The following EPHB3 variants were observed in gnomAD, a reference collection of about 807,000 sequenced individuals.
EPHB3 encodes the protein EPH receptor B3.
Under a neutral mutation model 100.2 loss-of-function variants are expected in EPHB3, and 33 were observed. That is an observed-to-expected ratio of 0.33 (90% CI 0.25 to 0.44). The LOEUF (loss-of-function observed/expected upper bound fraction) is 0.44. Ranked by LOEUF, EPHB3 falls within the 20% of genes least tolerant of loss-of-function variation. The probability of loss-of-function intolerance (pLI) is 1.00; values close to 1 mark genes in which losing one functional copy is unlikely to be tolerated. For missense variants in EPHB3, 1,045 were observed against 1,378.3 expected (o/e 0.76, Z 3.83); for synonymous variants, 526 against 554.7 (o/e 0.95, Z 0.73).
chr3:184,579,038 T>G lies in EPHB3; in HGVS notation c.1802-439T>G, dbSNP rs1260078644. Among the ~76,000 whole-genome samples, 1 of 150,740 alleles carries G rather than the reference T, an allele frequency of 6.6e-6. No homozygotes were observed. Among genetic ancestry groups the G allele is most frequent in the Non-Finnish European group, 1.5e-5 (1 of 67,648 alleles). Reference sequence around the variant, plus strand: ...GGGTCCTGAAAGGCAGGCAGAGGAGTCTGGACTTGACTCCACCATAGGTAA... The same window carrying G: ...GGGTCCTGAAAGGCAGGCAGAGGAGGCTGGACTTGACTCCACCATAGGTAA... On this transcript the variant is annotated intron_variant, in intron 9 of 15. Coordinates refer to ENST00000330394, the MANE Select transcript of EPHB3 (RefSeq NM_004443.4). This position sits in a 1 kb window ranked among gnomAD's most constrained non-coding sequence, Gnocchi z 5.2.
At position 184,569,093 on chromosome 3, in the gene EPHB3, A is replaced by G. The variant is rs920441571; in HGVS notation, c.119-2225A>G. ...TGAATATTTGGGTTTAAACAGTTCC[A>G]GATGGGTTTGGCACAGGCTGAGCAG... On this transcript the variant is annotated intron_variant, in intron 1 of 15. Coordinates refer to ENST00000330394, the MANE Select transcript of EPHB3 (RefSeq NM_004443.4). The surrounding 1 kb of genome is among the most constrained non-coding windows in gnomAD (Gnocchi z 5.4). Among the ~76,000 whole-genome samples the G allele has an allele frequency of 5.9e-5, 9 of 152,126 alleles. No homozygotes were observed. The highest frequency in any genetic ancestry group is 1.2e-4 in the Non-Finnish European group (8 of 68,008).
At position 184,577,922 on chromosome 3, in the gene EPHB3, A is replaced by G. The variant is rs143057646; in HGVS notation, c.1664A>G (p.Glu555Gly). 16 of 1,613,734 alleles carry G rather than the reference A, an allele frequency of 9.9e-6. No homozygotes were observed. Among genetic ancestry groups the G allele is most frequent in the African/African-American group, 2.7e-5 (2 of 74,846 alleles). ...ERGSGAQQLQ[E>G]QLPLIVGSAT... The stretch of plus-strand genomic sequence containing the variant: ...GGCTCTGGGGCCCAGCAGCTCCAGG[A>G]GCAGCTTCCCCTCATCGTGGGCTCC... Residue 555 changes from glutamate to glycine, a missense_variant, in exon 8 of 16, where the codon GAG (glutamate) becomes GGG (glycine). Transcript: ENST00000330394. The surrounding 1 kb of genome is among the most constrained non-coding windows in gnomAD (Gnocchi z 4.9).
rs778752850 is a variant in EPHB3 at position 184,578,502 on chromosome 3, C to G, written c.1801+36C>G. The G allele has an allele frequency of 6.2e-7, 1 of 1,612,396 alleles. No individual in the cohort carries two copies. The highest frequency in any genetic ancestry group is 8.5e-7 in the Non-Finnish European group (1 of 1,179,188). ...CCCCGCCGCCCTCCCCAAGCTCTCC[C>G]AGCCCCCTGCAGGGCTCTCAGACAC... is the stretch of plus-strand genomic sequence containing the variant. On this transcript the variant is annotated intron_variant, in intron 9 of 15. Transcript: ENST00000330394. This position sits in a 1 kb window ranked among gnomAD's most constrained non-coding sequence, Gnocchi z 4.7.
chr3:184,562,216 C>T lies in EPHB3; in HGVS notation c.-20C>T, dbSNP rs1714270897. ...CCCGGCCCGGCGCGGCCCGGCTCGG[C>T]TCCTAGAGCTGCCACGGCCATGGCC... On this transcript the variant is annotated 5_prime_UTR_variant, in exon 1 of 16. Coordinates refer to ENST00000330394, the MANE Select transcript of EPHB3 (RefSeq NM_004443.4). This position sits in a 1 kb window ranked among gnomAD's most constrained non-coding sequence, Gnocchi z 4.8. The T allele has an allele frequency of 1.4e-6, 1 of 719,190 alleles. No homozygotes were observed. The highest frequency in any genetic ancestry group is 1.8e-6 in the Non-Finnish European group (1 of 560,426). 44.6% of individuals were successfully genotyped at this position (719,190 alleles called of 1,614,324 possible). A position where few individuals can be genotyped will look rare whatever the true frequency, so the allele number is the denominator to read the frequency against.
At position 184,571,195 on chromosome 3, in the gene EPHB3, C is replaced by T; in HGVS notation, c.119-123C>T. 1 of 850,928 alleles carries T rather than the reference C, an allele frequency of 1.2e-6. No homozygotes were observed. The highest frequency in any genetic ancestry group is 1.9e-6 in the Non-Finnish European group (1 of 513,542). The allele number at this position is 850,928 out of a possible 1,614,324, so 52.7% of individuals were successfully genotyped here. A position where few individuals can be genotyped will look rare whatever the true frequency, so the allele number is the denominator to read the frequency against. On this transcript the variant is annotated intron_variant, in intron 1 of 15. Coordinates refer to ENST00000330394, the MANE Select transcript of EPHB3 (RefSeq NM_004443.4). This position sits in a 1 kb window ranked among gnomAD's most constrained non-coding sequence, Gnocchi z 5.0. The stretch of plus-strand genomic sequence containing the variant: ...TCTCAAACTCCTGACCTCAAGTGAT[C>T]CACCTGCCTCAGACTCCCAAAGTGC...
Position 184,578,096 on chromosome 3 carries a change from C to G in EPHB3, c.1748+90C>G, listed in dbSNP as rs571686533. The stretch of plus-strand genomic sequence containing the variant: ...TCATGCCACAGAGATGAGCCGCCAC[C>G]ACTTCCCTCAGACCCAGGGCCTTAG... On this transcript the variant is annotated intron_variant, in intron 8 of 15. Coordinates refer to ENST00000330394, the MANE Select transcript of EPHB3 (RefSeq NM_004443.4). This position sits in a 1 kb window ranked among gnomAD's most constrained non-coding sequence, Gnocchi z 4.7. 8.6e-6 allele frequency: 12 copies of G among 1,399,774 alleles called. No homozygotes were observed. Among genetic ancestry groups the G allele is most frequent in the Non-Finnish European group, 1.2e-5 (12 of 1,027,856 alleles). 86.7% of individuals were successfully genotyped at this position (1,399,774 alleles called of 1,614,324 possible).
chr3:184,580,488 C>T lies in EPHB3; in HGVS notation c.2259C>T (p.Asn753=). 13 of 1,614,224 alleles carry T rather than the reference C, an allele frequency of 8.1e-6. No individual in the cohort carries two copies. Among genetic ancestry groups the T allele is most frequent in the Non-Finnish European group, 1.1e-5 (13 of 1,180,044 alleles). Residue 753 remains asparagine, a synonymous_variant, in exon 12 of 16, where the codon AAC becomes AAT. Transcript: ENST00000330394. The part of the protein sequence containing the change: ...AAGMKYLSEM[N]YVHRDLAARN... ...GCATGAAGTACCTGTCCGAGATGAA[C>T]TATGTGCACCGCGACCTGGCTGCTC...
intron 4 of EPHB3, among the ~76,000 whole-genome samples, chr3:184,576,433 G>A (rs973956398): frequency 1.3e-5 from 2 of 152,328 alleles, no homozygotes; most frequent in African/African-American, 4.8e-5. Context: ...CTGGCCTTCG[G>A]TGTGCCGGGC....
chr3:184,566,258 G>A (rs1223561574), intron 1 of EPHB3, among the ~76,000 whole-genome samples: 1 of 152,200 alleles, frequency 6.6e-6, no homozygotes, highest in African/African-American at 2.4e-5. Flanking sequence ...GTGGGGTGGG[G>A]GCATGGATGA....
chr3:184,580,777 C>G lies in EPHB3; in HGVS notation c.2437C>G (p.Arg813Gly), dbSNP rs374567246. 1.9e-6 allele frequency: 3 copies of G among 1,614,172 alleles called. No homozygotes were observed. The South Asian group carries it at 3.3e-5, about 18-fold the overall frequency. ...GACTGCCCCAGAGGCCATAGCCTAT[C>G]GGAAGTTCACTTCTGCTAGTGATGT... ...RWTAPEAIAY[R>G]KFTSASDVWS... Residue 813 changes from arginine to glycine, a missense_variant, in exon 13 of 16, where the codon CGG becomes GGG. Physicochemically the swap from Arg to Gly is moderately radical, Grantham distance 125. This residue lies in a region of EPHB3 where 985 missense variants were observed against 1,331.1 expected (regional missense o/e 0.74). Coordinates refer to ENST00000330394, the MANE Select transcript of EPHB3 (RefSeq NM_004443.4).
chr3:184,579,962 C>T lies in EPHB3; in HGVS notation c.2172+28C>T. The T allele has an allele frequency of 6.2e-7, 1 of 1,602,976 alleles. No homozygotes were observed. ...AAGAGCCAGCCCCCAGGCCCTCTCC[C>T]TCCCCCAGAGAGTTGGATTGGGCTC... On this transcript the variant is annotated intron_variant, in intron 11 of 15. Transcript: ENST00000330394. The surrounding 1 kb of genome is among the most constrained non-coding windows in gnomAD (Gnocchi z 5.2).
chr3:184,573,091 C>T lies in EPHB3; in HGVS notation c.771C>T (p.Asn257=), dbSNP rs767215858. 1.4e-5 allele frequency: 23 copies of T among 1,613,026 alleles called. No individual in the cohort carries two copies. The highest frequency in any genetic ancestry group is 8.3e-5 in the Admixed American group (5 of 60,010). ...CGGTGCCACTCAAGCTCTACTGCAA[C>T]GGCGATGGGGAGTGGATGGTGCCTG... The part of the protein sequence containing the change: ...EVSVPLKLYC[N]GDGEWMVPVG... The change falls in exon 3 of 16, where the codon AAC becomes AAT. Residue 257 remains asparagine, a synonymous_variant. Transcript: ENST00000330394. This position sits in a 1 kb window ranked among gnomAD's most constrained non-coding sequence, Gnocchi z 4.5.
rs1260186804 is a variant in EPHB3 at position 184,573,717 on chromosome 3, T to C, written c.856+541T>C. ...ACTTACGTGACCTTGGGCAAGTTAC[T>C]TTTTTTTTTTTTTTTTTGAGATGGA... On this transcript the variant is annotated intron_variant, in intron 3 of 15. Coordinates refer to ENST00000330394, the MANE Select transcript of EPHB3 (RefSeq NM_004443.4). This position sits in a 1 kb window ranked among gnomAD's most constrained non-coding sequence, Gnocchi z 4.5. 1.8e-5 allele frequency among the ~76,000 whole-genome samples: 1 copy of C among 54,224 alleles called. No individual in the cohort carries two copies. Among genetic ancestry groups the C allele is most frequent in the Admixed American group, 1.6e-4 (1 of 6,240 alleles). 35.6% of individuals were successfully genotyped at this position (54,224 alleles called of 152,430 possible). A position where few individuals can be genotyped will look rare whatever the true frequency, so the allele number is the denominator to read the frequency against.
At chr3:184,575,610 G>A (rs1714655916) in intron 3 of EPHB3, among the ~76,000 whole-genome samples, 3 of 151,920 alleles carry the variant, frequency 2.0e-5, no homozygotes, top group African/African-American at 4.8e-5. Context: ...GGTGAGGGGG[G>A]CAGGGGCGGG....
At chr3:184,574,773 A>G (rs1486572610) in intron 3 of EPHB3, among the ~76,000 whole-genome samples, 1 of 152,192 alleles carries the variant, frequency 6.6e-6, no homozygotes, top group Non-Finnish European at 1.5e-5. Context: ...AAGAGGGGCT[A>G]ACACTCTGCA....
chr3:184,574,928 C>T (rs1480672214), intron 3 of EPHB3, among the ~76,000 whole-genome samples: 9 of 152,248 alleles, frequency 5.9e-5, no homozygotes, highest in Admixed American at 5.2e-4. Flanking sequence ...CAAGCCCTAG[C>T]GCTGGGCGTT....
rs768211202 is a variant in EPHB3 at position 184,579,560 on chromosome 3, G to A, written c.1885G>A (p.Asp629Asn). 7 of 1,613,920 alleles carry A rather than the reference G, an allele frequency of 4.3e-6. No individual in the cohort carries two copies. In the African/African-American group the frequency reaches 8.0e-5, roughly 18 times the overall value. ...EAVREFAKEI[D>N]VSCVKIEEVI... ...TGTTCGGGAGTTTGCCAAGGAGATC[G>A]ACGTGTCCTGCGTCAAGATCGAGGA... The change falls in exon 10 of 16, where the codon GAC becomes AAC. Residue 629 changes from aspartate (D) to asparagine (N), a missense_variant. By Grantham distance (23) the Asp-to-Asn change is conservative. This residue lies in a region of EPHB3 where 985 missense variants were observed against 1,331.1 expected (regional missense o/e 0.74). Coordinates refer to ENST00000330394, the MANE Select transcript of EPHB3 (RefSeq NM_004443.4). The surrounding 1 kb of genome is among the most constrained non-coding windows in gnomAD (Gnocchi z 5.2).
chr3:184,577,124 C>T lies in EPHB3; in HGVS notation c.1295C>T (p.Ser432Leu), dbSNP rs756275485. Reference protein sequence around the residue: ...TFEVQAVNGVSGKSPLPPRYA... With the variant: ...TFEVQAVNGVLGKSPLPPRYA... ...GAGGTGCAGGCGGTCAACGGTGTCT[C>T]GGGCAAGAGCCCTCTGCCGCCTCGT... Residue 432 changes from serine to leucine, a missense_variant, in exon 5 of 16, where the codon TCG becomes TTG. Coordinates refer to ENST00000330394, the MANE Select transcript of EPHB3 (RefSeq NM_004443.4). This position sits in a 1 kb window ranked among gnomAD's most constrained non-coding sequence, Gnocchi z 4.9. 4.3e-6 allele frequency: 7 copies of T among 1,611,532 alleles called. No homozygotes were observed. Among genetic ancestry groups the T allele is most frequent in the African/African-American group, 1.3e-5 (1 of 74,902 alleles).
rs745516888 is a variant in EPHB3 at position 184,577,688 on chromosome 3, C to T, written c.1510C>T (p.Gln504Ter). Residue 504 changes from glutamine (Q) to a stop codon, truncating the protein, a stop_gained, in exon 7 of 16, where the codon CAG becomes TAG. Coordinates refer to ENST00000330394, the MANE Select transcript of EPHB3 (RefSeq NM_004443.4). LOFTEE classifies it high-confidence loss of function. This position sits in a 1 kb window ranked among gnomAD's most constrained non-coding sequence, Gnocchi z 4.9. ...GGGCATCGCCTCCACAGTGACCAGC[C>T]AGATGAACTCCGTGCAGCTGGACGG... ...SEGIASTVTSQMNSVQLDGLR... is the reference protein window; with the variant it reads ...SEGIASTVTS 6.2e-7 allele frequency: 1 copy of T among 1,608,538 alleles called. No homozygotes were observed. The highest frequency in any genetic ancestry group is 1.7e-5 in the Admixed American group (1 of 59,736).
Sources: allele counts gnomAD v4.1 joint callset (sites outside exome capture counted in the v4.1 genomes callset), GRCh38; gene constraint gnomAD v4.1.1; regional missense constraint gnomAD v4.1.1; non-coding constraint Gnocchi (gnomAD v3.1); transcripts MANE v1.5; gene names NCBI Gene and HGNC (gene_info 2026-07-23, HGNC 2026-07-21).